Variants in APP observed in about 807,000 individuals in gnomAD.
APP encodes amyloid beta precursor protein, also known as amyloid-beta precursor protein.
APP carries 31 observed loss-of-function variants against 101.4 expected under a neutral mutation model. The observed-to-expected ratio is 0.31, with a 90% CI of 0.23 to 0.41. APP has a LOEUF of 0.41. Ranked by LOEUF, APP falls within the 10% of genes least tolerant of loss-of-function variation. The probability of loss-of-function intolerance (pLI) is 1.00; values close to 1 mark genes in which losing one functional copy is unlikely to be tolerated. For missense variants in APP, 839 were observed against 1,003.7 expected, an observed-to-expected ratio of 0.84 and a Z score of 2.22; for synonymous variants, 366 against 364.4, an observed-to-expected ratio of 1.00 and a Z score of -0.05.
At chr21:26,109,887 C>A (rs1440692923) in intron 2 of APP, among the ~76,000 whole-genome samples, 2 of 151,986 alleles carry the variant, frequency 1.3e-5, no homozygotes, top group African/African-American at 4.8e-5. Context: ...TTAATTCTAG[C>A]CTTTAAAAAA....
At chr21:26,028,557 A>T (rs115384945) in intron 5 of APP, among the ~76,000 whole-genome samples, 7 of 152,192 alleles carry the variant, frequency 4.6e-5, no homozygotes, top group African/African-American at 9.7e-5. Context: ...CTGCAGAGAC[A>T]CGGGGATTCA....
At chr21:25,944,145 T>G (rs927351232) in intron 13 of APP, among the ~76,000 whole-genome samples, 1 of 152,200 alleles carries the variant, frequency 6.6e-6, no homozygotes, top group Non-Finnish European at 1.5e-5. Context: ...TAGGAGCATA[T>G]GTAAATACAT....
At chr21:26,152,492 T>C (rs963792984) in intron 1 of APP, among the ~76,000 whole-genome samples, 2 of 151,900 alleles carry the variant, frequency 1.3e-5, no homozygotes, top group Admixed American at 1.3e-4. Context: ...AGAAATAAAA[T>C]GTAGGATCTA....
intron 5 of APP, among the ~76,000 whole-genome samples, chr21:26,049,958 C>A (rs1310626619): frequency 6.6e-6 from 1 of 152,162 alleles, no homozygotes; most frequent in African/African-American, 2.4e-5. Context: ...TAGGAAGGAG[C>A]TGGCTAGCAT....
chr21:26,147,019 C>T (rs375915533), intron 1 of APP, among the ~76,000 whole-genome samples: 2 of 152,142 alleles, frequency 1.3e-5, no homozygotes, highest in Non-Finnish European at 2.9e-5. Flanking sequence ...ATATGCACAA[C>T]TTTATTTCTA....
intron 8 of APP, among the ~76,000 whole-genome samples, chr21:25,991,649 A>AT (rs1181968460): frequency 6.6e-6 from 1 of 152,216 alleles, no homozygotes; most frequent in East Asian, 1.9e-4. Flanking sequence ...AAGTGCTGGG[A>AT]TTACAGGCGT....
intron 5 of APP, among the ~76,000 whole-genome samples, chr21:26,049,207 C>A (rs1193614551): frequency 6.6e-6 from 1 of 151,790 alleles, no homozygotes; most frequent in Non-Finnish European, 1.5e-5. Context: ...ACTGAAAATG[C>A]AAGAAAGGGA....
At chr21:25,882,433 A>G (rs2037053284) in intron 17 of APP, among the ~76,000 whole-genome samples, 1 of 149,976 alleles carries the variant, frequency 6.7e-6, no homozygotes, top group Admixed American at 6.7e-5. Context: ...AAAACTGAGA[A>G]TTAAGATACT....
intron 13 of APP, among the ~76,000 whole-genome samples, chr21:25,928,145 C>A (rs1002706708): frequency 6.6e-6 from 1 of 152,066 alleles, no homozygotes; most frequent in Non-Finnish European, 1.5e-5. Context: ...GAGATCGACA[C>A]CATCCTGGCT....
chr21:26,018,222 T>C (rs2044187227), intron 6 of APP, among the ~76,000 whole-genome samples: 1 of 152,218 alleles, frequency 6.6e-6, no homozygotes, highest in South Asian at 2.1e-4. Context: ...CTGGTATCAG[T>C]AGCAATATGT....
intron 11 of APP, among the ~76,000 whole-genome samples, chr21:25,967,707 G>A (rs9976060): frequency 3.3e-5 from 5 of 151,870 alleles, no homozygotes; most frequent in Non-Finnish European, 7.4e-5. Context: ...TAAGCAGAAC[G>A]CTGAGAGTTA....
At chr21:26,031,953 G>T (rs561026204) in intron 5 of APP, among the ~76,000 whole-genome samples, 1 of 152,322 alleles carries the variant, frequency 6.6e-6, no homozygotes, top group South Asian at 2.1e-4. Flanking sequence ...ATCTGTCCAG[G>T]AGAAGAAGCC....
chr21:26,159,765 T>C (rs1346625480), intron 1 of APP, among the ~76,000 whole-genome samples: 1 of 152,184 alleles, frequency 6.6e-6, no homozygotes, highest in Non-Finnish European at 1.5e-5. Flanking sequence ...TAAATACAAT[T>C]AAAAACACAT....
At chr21:26,043,573 T>C (rs1421259232) in intron 5 of APP, among the ~76,000 whole-genome samples, 1 of 152,206 alleles carries the variant, frequency 6.6e-6, no homozygotes, top group Non-Finnish European at 1.5e-5. Flanking sequence ...GGTGACACTA[T>C]TAACCTTAAG....
At chr21:25,945,967 C>G (rs1463116322) in intron 13 of APP, 1 of 453,548 alleles carries the variant, frequency 2.2e-6, no homozygotes, top group Non-Finnish European at 4.4e-6. Flanking sequence ...CAGGCATGAG[C>G]CACTGCACCT....
intron 13 of APP, among the ~76,000 whole-genome samples, chr21:25,952,224 A>G (rs2041115435): frequency 6.6e-6 from 1 of 151,358 alleles, no homozygotes; most frequent in Admixed American, 6.6e-5. Flanking sequence ...ACACACACAC[A>G]CATTAAGAGC....
intron 1 of APP, among the ~76,000 whole-genome samples, chr21:26,146,433 A>G (rs2063156062): frequency 6.6e-6 from 1 of 152,218 alleles, no homozygotes; most frequent in South Asian, 2.1e-4. Flanking sequence ...CATTTCCCTG[A>G]CGACTATGAG....
chr21:25,945,697 GT>G, intron 13 of APP: 1 of 332,330 alleles, frequency 3.0e-6, no homozygotes, highest in South Asian at 2.2e-5. Context: ...GGAAATAATA[GT>G]CTTTTTCTTC....
chr21:26,116,534 C>T (rs2062438956), intron 1 of APP, among the ~76,000 whole-genome samples: 1 of 152,174 alleles, frequency 6.6e-6, no homozygotes. Context: ...ACAGGGTGTT[C>T]CCTTTCTCCA....
Sources: gnomAD v4.1 joint callset for allele counts (sites outside exome capture counted in the v4.1 genomes callset) on GRCh38, gnomAD v4.1.1 for gene constraint, MANE v1.5 for transcripts, NCBI Gene and HGNC (gene_info 2026-07-23, HGNC 2026-07-21) for gene names.